WNT9B: variants seen among roughly 807,000 people sequenced by gnomAD.
The protein encoded by WNT9B is Wnt family member 9B.
Under a neutral mutation model 30.2 loss-of-function variants are expected in WNT9B, and 12 were observed. That is an observed-to-expected ratio of 0.40 (90% CI 0.26 to 0.64). The LOEUF (loss-of-function observed/expected upper bound fraction) is 0.64. Among genes scored for constraint, WNT9B ranks in the 30% least tolerant of loss-of-function variants. The pLI is 0.42. For missense variants in WNT9B, 442 were observed against 485.2 expected (o/e 0.91, Z 0.84); for synonymous variants, 218 against 216.9 (o/e 1.01, Z -0.05).
At chr17:46,852,387 C>G (rs1201134506) in intron 1 of WNT9B, among the ~76,000 whole-genome samples, 1 of 105,804 alleles carries the variant, frequency 9.5e-6, no homozygotes, top group Non-Finnish European at 1.9e-5. Flanking sequence ...GTGAGAGGGC[C>G]CAGTGTGTGT....
At chr17:46,838,681 C>T (rs1459545164) in intron 1 of WNT9B, among the ~76,000 whole-genome samples, 1 of 151,966 alleles carries the variant, frequency 6.6e-6, no homozygotes, top group Non-Finnish European at 1.5e-5. Flanking sequence ...AGTACATATA[C>T]ACACACATCC....
Position 46,851,665 on chromosome 17 carries a change from G to C in WNT9B, c.27G>C (p.Leu9=). Residue 9 remains leucine (L), a synonymous_variant, in exon 1 of 4, where the codon CTG becomes CTC. Coordinates refer to ENST00000290015, the MANE Select transcript of WNT9B (RefSeq NM_003396.3). The surrounding 1 kb of genome is among the most constrained non-coding windows in gnomAD (Gnocchi z 4.3). ...TGCGCCCCCCGCCCGCGCTGGCCCT[G>C]GCCGGGCTCTGCCTGCTGGCGCTGC... MRPPPALA[L]AGLCLLALPA... 7.7e-7 allele frequency: 1 copy of C among 1,302,216 alleles called. No homozygotes were observed. The highest frequency in any genetic ancestry group is 9.7e-7 in the Non-Finnish European group (1 of 1,029,024). 80.7% of individuals were successfully genotyped at this position (1,302,216 alleles called of 1,614,324 possible).
chr17:46,860,436 G>A (rs369042191), intron 1 of WNT9B, among the ~76,000 whole-genome samples: 4 of 152,248 alleles, frequency 2.6e-5, no homozygotes, highest in East Asian at 1.9e-4. Flanking sequence ...TATAGTGTAA[G>A]GGGCACTGGG....
chr17:46,871,017 C>T (rs2146596081), intron 1 of WNT9B, among the ~76,000 whole-genome samples: 1 of 150,140 alleles, frequency 6.7e-6, no homozygotes, highest in East Asian at 2.1e-4. Flanking sequence ...CTCAAGCTAT[C>T]CTTCCACCTC....
At chr17:46,882,075 G>A (rs2085430117), downstream of WNT9B, among the ~76,000 whole-genome samples, 2 of 152,198 alleles carry the variant, frequency 1.3e-5, no homozygotes, top group African/African-American at 4.8e-5. Context: ...AAGATCGCTT[G>A]AGCCCAGGAG....
rs114278300 is a variant in WNT9B at position 46,861,183 on chromosome 17, T to C, written c.77+9468T>C. On this transcript the variant is annotated intron_variant, in intron 1 of 3. Transcript: ENST00000290015. ...AGCCCCGACCCTGTGGCCCAGGCCC[T>C]GCACTTGGTGCATGTCCTGGGCATC... Among the ~76,000 whole-genome samples, 550 of 152,354 alleles carry C rather than the reference T, an allele frequency of 3.6e-3. 2 individuals are homozygous for C. The highest frequency in any genetic ancestry group is 0.012 in the African/African-American group (509 of 41,586).
In WNT9B at chr17:46,878,526, C is replaced by T. The variant is rs1260491703; in HGVS notation, c.*1808C>T. 6.6e-6 allele frequency among the ~76,000 whole-genome samples: 1 copy of T among 152,222 alleles called. No individual in the cohort carries two copies. The highest frequency in any genetic ancestry group is 1.5e-5 in the Non-Finnish European group (1 of 68,030). ...AAAATGACATTGCTGACCCAAGCAC[C>T]TGGCCCACACCTTGGCAGCAGGAGA... On this transcript the variant is annotated 3_prime_UTR_variant, in exon 4 of 4. Transcript: ENST00000290015.
At chr17:46,867,925 G>A (rs375917184) in intron 1 of WNT9B, among the ~76,000 whole-genome samples, 16 of 152,244 alleles carry the variant, frequency 1.1e-4, no homozygotes, top group African/African-American at 3.9e-4. Flanking sequence ...TGATGAACCT[G>A]ACCACCAAGG....
chr17:46,883,705 C>G (rs1394047760), downstream of WNT9B, among the ~76,000 whole-genome samples: 1 of 152,168 alleles, frequency 6.6e-6, no homozygotes, highest in Non-Finnish European at 1.5e-5. Context: ...GAGTGCTGGG[C>G]ACGGCCTGGG....
chr17:46,850,772 A>G (rs1341861653), upstream of WNT9B, among the ~76,000 whole-genome samples: 1 of 152,162 alleles, frequency 6.6e-6, no homozygotes, highest in African/African-American at 2.4e-5. Flanking sequence ...TTGGGGCCCA[A>G]CACTTGAAGT....
chr17:46,862,401 T>C (rs374014021), intron 1 of WNT9B, among the ~76,000 whole-genome samples: 46 of 152,212 alleles, frequency 3.0e-4, no homozygotes, highest in African/African-American at 1.1e-3. Flanking sequence ...ACAAAGCCCA[T>C]AATATTCTCC....
At chr17:46,873,218 C>T (rs536440728) in intron 2 of WNT9B, among the ~76,000 whole-genome samples, 2 of 152,194 alleles carry the variant, frequency 1.3e-5, no homozygotes, top group South Asian at 2.1e-4. Flanking sequence ...TTTGTTCACT[C>T]CTTTATCTGT....
intron 1 of WNT9B, among the ~76,000 whole-genome samples, chr17:46,869,101 G>A (rs2085193175): frequency 6.6e-6 from 1 of 152,208 alleles, no homozygotes; most frequent in Non-Finnish European, 1.5e-5. Flanking sequence ...GTGCCAGGGA[G>A]CCTTCTTTGA....
chr17:46,840,661 CTGT>C (rs2084702417), intron 1 of WNT9B, among the ~76,000 whole-genome samples: 1 of 152,206 alleles, frequency 6.6e-6, no homozygotes. Context: ...TTTCCTGCAT[CTGT>C]TGTTTCCTGA....
chr17:46,840,454 G>C (rs2084700115), intron 1 of WNT9B, among the ~76,000 whole-genome samples: 1 of 152,166 alleles, frequency 6.6e-6, no homozygotes, highest in South Asian at 2.1e-4. Flanking sequence ...ATTGTGAATA[G>C]CACCACAATA....
intron 1 of WNT9B, among the ~76,000 whole-genome samples, chr17:46,844,524 T>A (rs1472862107): frequency 6.6e-6 from 1 of 152,146 alleles, no homozygotes; most frequent in Non-Finnish European, 1.5e-5. Flanking sequence ...GCAGTTCTGA[T>A]AATATGACCT....
intron 1 of WNT9B, among the ~76,000 whole-genome samples, chr17:46,863,535 G>A (rs1333386640): frequency 6.6e-6 from 1 of 152,196 alleles, no homozygotes; most frequent in African/African-American, 2.4e-5. Flanking sequence ...AAAGAGGATG[G>A]TTAGAGGGGG....
chr17:46,841,775 A>G (rs556074335), intron 1 of WNT9B, among the ~76,000 whole-genome samples: 6 of 152,318 alleles, frequency 3.9e-5, no homozygotes, highest in African/African-American at 1.2e-4. Context: ...CGGACAGGGA[A>G]GCCTGCATCC....
intron 1 of WNT9B, among the ~76,000 whole-genome samples, chr17:46,837,425 T>C (rs1206512601): frequency 6.6e-6 from 1 of 152,154 alleles, no homozygotes; most frequent in Non-Finnish European, 1.5e-5. Context: ...AGGGTGGGAC[T>C]GATGTTGGGG....
Sources: gnomAD v4.1 joint callset for allele counts (sites outside exome capture counted in the v4.1 genomes callset) on GRCh38, gnomAD v4.1.1 for gene constraint, Gnocchi (gnomAD v3.1) non-coding constraint, MANE v1.5 for transcripts, NCBI Gene and HGNC (gene_info 2026-07-23, HGNC 2026-07-21) for gene names.